The following SPTLC1 variants were observed in gnomAD, a reference collection of about 807,000 sequenced individuals.
The protein encoded by SPTLC1 is serine palmitoyltransferase 1.
SPTLC1 carries 55 observed loss-of-function variants against 68.9 expected under a neutral mutation model. The ratio of observed to expected loss-of-function variants is 0.80; its 90% confidence interval spans 0.64 to 1.00. SPTLC1 has a LOEUF of 1.00. SPTLC1 is among the 50% of genes least tolerant of loss of function. The probability of loss-of-function intolerance (pLI) is 0.00; values close to 1 mark genes in which losing one functional copy is unlikely to be tolerated. For synonymous variants in SPTLC1, 197 were observed against 201.6 expected (o/e 0.98, Z 0.19); for missense variants, 449 against 573.1 (o/e 0.78, Z 2.21).
chr9:92,059,316 G>A lies in SPTLC1; in HGVS notation c.561-8C>T, dbSNP rs1332207213. ...AAGCAGGCAGCTCTATCTCTGCAAG[G>A]AAAAGAGATCCACCAAATTGGGTTT... On this transcript the variant is annotated splice_polypyrimidine_tract_variant and splice_region_variant and intron_variant, in intron 6 of 14. Coordinates refer to ENST00000262554, the MANE Select transcript of SPTLC1 (RefSeq NM_006415.4). The A allele has an allele frequency of 6.2e-7, 1 of 1,612,976 alleles. No individual in the cohort carries two copies.
chr9:92,086,863 G>C (rs1477735482), intron 3 of SPTLC1, among the ~76,000 whole-genome samples: 2 of 151,744 alleles, frequency 1.3e-5, no homozygotes, highest in East Asian at 3.9e-4. Context: ...CATTCTCCCC[G>C]TCACTTTCAG....
intron 6 of SPTLC1, among the ~76,000 whole-genome samples, chr9:92,064,924 T>G (rs1003663764): frequency 6.6e-6 from 1 of 152,218 alleles, no homozygotes; most frequent in Admixed American, 6.5e-5. Context: ...ACAGAACAGA[T>G]TAGTGGTTGC....
At chr9:92,077,898 T>C (rs139687244) in intron 5 of SPTLC1, among the ~76,000 whole-genome samples, 2 of 152,210 alleles carry the variant, frequency 1.3e-5, no homozygotes, top group East Asian at 1.9e-4. Context: ...CTCACTCCCA[T>C]TCCCTTGCCA....
At chr9:92,042,105 A>C (rs1046904855) in intron 12 of SPTLC1, among the ~76,000 whole-genome samples, 2 of 152,166 alleles carry the variant, frequency 1.3e-5, no homozygotes, top group African/African-American at 4.8e-5. Flanking sequence ...GTCTCTTAAA[A>C]AAACCACAAA....
rs550476668 is a variant in SPTLC1 at position 92,095,583 on chromosome 9, T to A, written c.260+13157A>T. On this transcript the variant is annotated intron_variant, in intron 3 of 14. Transcript: ENST00000262554. ...CTCTACCTCTCTTTACTGACCCTGCTTTGATATTTCTTCATACCACTTAAT... is the reference window on the plus strand; with the variant it reads ...CTCTACCTCTCTTTACTGACCCTGCATTGATATTTCTTCATACCACTTAAT... Among the ~76,000 whole-genome samples, 4 of 152,308 alleles carry A rather than the reference T, an allele frequency of 2.6e-5. No individual in the cohort carries two copies. In the South Asian group the frequency reaches 6.2e-4, roughly 24 times the overall value.
chr9:92,044,949 T>TG (rs1310406784), intron 12 of SPTLC1, among the ~76,000 whole-genome samples: 2 of 152,054 alleles, frequency 1.3e-5, no homozygotes, highest in African/African-American at 4.8e-5. Context: ...CACCATAGAG[T>TG]GAAAGGCATG....
intron 3 of SPTLC1, among the ~76,000 whole-genome samples, chr9:92,087,822 T>C (rs1296082172): frequency 1.3e-5 from 2 of 152,264 alleles, no homozygotes; most frequent in African/African-American, 4.8e-5. Flanking sequence ...TGCTGTCTTT[T>C]TGTTTGTCTG....
At chr9:92,077,060 A>G (rs7856177) in intron 5 of SPTLC1, 49,899 of 151,886 alleles carry the variant, frequency 0.33, 11,773 homozygotes, top group African/African-American at 0.66. Context: ...AAAGCCAAGG[A>G]CCTTTTAAAA....
chr9:92,089,245 T>C (rs946872846), intron 3 of SPTLC1, among the ~76,000 whole-genome samples: 1 of 152,144 alleles, frequency 6.6e-6, no homozygotes, highest in African/African-American at 2.4e-5. Context: ...ACCCCATCTC[T>C]AGTAATAATA....
At chr9:92,075,933 T>C (rs963569451) in intron 5 of SPTLC1, among the ~76,000 whole-genome samples, 1 of 152,172 alleles carries the variant, frequency 6.6e-6, no homozygotes. Flanking sequence ...CTTTTTCCTG[T>C]CCCTGACCCA....
intron 8 of SPTLC1, chr9:92,051,377 T>C: frequency 1.8e-6 from 1 of 545,010 alleles, no homozygotes; most frequent in South Asian, 8.1e-5. Context: ...AAACCCCACA[T>C]GATCATCCCA....
intron 3 of SPTLC1, among the ~76,000 whole-genome samples, chr9:92,098,283 G>A (rs993813713): frequency 6.6e-6 from 1 of 152,018 alleles, no homozygotes; most frequent in Non-Finnish European, 1.5e-5. Context: ...TCAGAAGCAC[G>A]AAACTCAACC....
At chr9:92,073,362 A>G (rs1834565281) in intron 5 of SPTLC1, among the ~76,000 whole-genome samples, 2 of 152,222 alleles carry the variant, frequency 1.3e-5, no homozygotes, top group Admixed American at 6.5e-5. Context: ...CCTGGCCTCC[A>G]AGGCCAGGCA....
In SPTLC1 at chr9:92,059,218, G is replaced by C. The variant is rs541564846; in HGVS notation, c.651C>G (p.Leu217=). 8 of 1,613,812 alleles carry C rather than the reference G, an allele frequency of 5.0e-6. No individual in the cohort carries two copies. In the African/African-American group the frequency reaches 8.0e-5, roughly 16 times the overall value. Residue 217 remains leucine, a synonymous_variant, in exon 7 of 15, where the codon CTC becomes CTG. Transcript: ENST00000262554. ...TCTCTTGTTCTTTTAGTAGTCGCTCGAGGTCAGCCATGTCATTATGCTTAA... is the reference window on the plus strand; with the variant it reads ...TCTCTTGTTCTTTTAGTAGTCGCTCCAGGTCAGCCATGTCATTATGCTTAA... ...KLFKHNDMAD[L]ERLLKEQEIE... is the part of the protein sequence containing the mutation.
At chr9:92,102,323 A>G (rs1055908089) in intron 3 of SPTLC1, among the ~76,000 whole-genome samples, 1 of 152,274 alleles carries the variant, frequency 6.6e-6, no homozygotes, top group Non-Finnish European at 1.5e-5. Context: ...ATGCAAAAAC[A>G]GGACACTATC....
chr9:92,063,568 G>A (rs1034042874), intron 6 of SPTLC1, among the ~76,000 whole-genome samples: 8 of 151,912 alleles, frequency 5.3e-5, no homozygotes, highest in Non-Finnish European at 1.0e-4. Flanking sequence ...TGTATTATAG[G>A]ACAATCTCCC....
intron 3 of SPTLC1, among the ~76,000 whole-genome samples, chr9:92,099,771 C>CA: frequency 6.6e-6 from 1 of 152,158 alleles, no homozygotes. Flanking sequence ...CATGAGCCAT[C>CA]ATGCCTGGCC....
At chr9:92,041,223 T>A (rs551238812) in intron 12 of SPTLC1, among the ~76,000 whole-genome samples, 2 of 152,264 alleles carry the variant, frequency 1.3e-5, no homozygotes, top group East Asian at 1.9e-4. Context: ...ATGAGAGAAG[T>A]GAGAAATTAG....
chr9:92,084,286 G>A lies in SPTLC1; in HGVS notation c.261-3323C>T, dbSNP rs1450871684. ...AGAACTTCCAACACTATGTTGAATA[G>A]GAGTGGTGAGAGAGGGCATCCCTGT... On this transcript the variant is annotated intron_variant, in intron 3 of 14. Transcript: ENST00000262554. 2.6e-5 allele frequency among the ~76,000 whole-genome samples: 4 copies of A among 150,944 alleles called. No homozygotes were observed. In the East Asian group the frequency reaches 5.8e-4, roughly 22 times the overall value.
Sources: allele counts gnomAD v4.1 joint callset (sites outside exome capture counted in the v4.1 genomes callset), GRCh38; gene constraint gnomAD v4.1.1; transcripts MANE v1.5; gene names NCBI Gene and HGNC (gene_info 2026-07-23, HGNC 2026-07-21).